The following MYLK variants were observed in gnomAD, a reference collection of about 807,000 sequenced individuals.
MYLK encodes myosin light chain kinase.
A neutral mutation model predicts 203.4 loss-of-function variants in MYLK; 106 were observed. That is an observed-to-expected ratio of 0.52 (90% CI 0.45 to 0.61). The LOEUF is 0.61. Ranked by LOEUF, MYLK falls within the 20% of genes least tolerant of loss-of-function variation. The pLI, the probability that MYLK is intolerant of heterozygous loss-of-function variation, is 0.00. For missense variants in MYLK, 2,072 were observed against 2,442.3 expected, an observed-to-expected ratio of 0.85 and a Z score of 3.20; for synonymous variants, 867 against 959.5, an observed-to-expected ratio of 0.90 and a Z score of 1.78.
intron 11 of MYLK, among the ~76,000 whole-genome samples, chr3:123,726,605 C>T (rs1238368890): frequency 6.6e-6 from 1 of 152,090 alleles, no homozygotes; most frequent in Non-Finnish European, 1.5e-5. Context: ...TCATAGGACT[C>T]ACATGTGCTC....
chr3:123,804,613 G>A (rs2065306592), intron 3 of MYLK, among the ~76,000 whole-genome samples: 1 of 152,176 alleles, frequency 6.6e-6, no homozygotes, highest in African/African-American at 2.4e-5. Flanking sequence ...TCTGCTTTCT[G>A]CAGGGAGCTG....
chr3:123,842,047 C>A (rs536959044), intron 2 of MYLK, among the ~76,000 whole-genome samples: 1 of 152,030 alleles, frequency 6.6e-6, no homozygotes, highest in South Asian at 2.1e-4. Context: ...ATAAATGGAC[C>A]AAATTCACCC....
chr3:123,627,915 G>T (rs1010729302), intron 30 of MYLK, among the ~76,000 whole-genome samples: 2 of 152,122 alleles, frequency 1.3e-5, no homozygotes, highest in African/African-American at 4.8e-5. Context: ...CTTAATTCAA[G>T]GTCAGATGAG....
At chr3:123,837,317 C>T (rs530367710) in intron 2 of MYLK, among the ~76,000 whole-genome samples, 1 of 152,192 alleles carries the variant, frequency 6.6e-6, no homozygotes, top group Admixed American at 6.5e-5. Flanking sequence ...AGGTATGAGC[C>T]ACTGTGCCCA....
At chr3:123,636,221 A>G (rs779609325) in intron 29 of MYLK, among the ~76,000 whole-genome samples, 2 of 152,232 alleles carry the variant, frequency 1.3e-5, no homozygotes, top group Non-Finnish European at 2.9e-5. Context: ...TAGCACCAAA[A>G]GTCCTGTATC....
At chr3:123,701,271 C>T (rs2061209239) in intron 17 of MYLK, among the ~76,000 whole-genome samples, 167 bp downstream of exon 17, 1 of 148,962 alleles carries the variant, frequency 6.7e-6, no homozygotes, top group African/African-American at 2.4e-5. Flanking sequence ...CCCCCTCCTT[C>T]CCCTGCTCTC....
chr3:123,860,570 A>G (rs2031803332), intron 2 of MYLK, among the ~76,000 whole-genome samples: 1 of 152,180 alleles, frequency 6.6e-6, no homozygotes. Flanking sequence ...TAGGATGGAA[A>G]AGAATTCCAG....
intron 19 of MYLK, among the ~76,000 whole-genome samples, chr3:123,688,945 A>T (rs1255633994): frequency 6.6e-6 from 1 of 152,148 alleles, no homozygotes; most frequent in Non-Finnish European, 1.5e-5. Flanking sequence ...CACCTGCATT[A>T]CTGCCTCTTT....
intron 3 of MYLK, among the ~76,000 whole-genome samples, chr3:123,801,243 C>T (rs2065184919): frequency 6.6e-6 from 1 of 152,154 alleles, no homozygotes; most frequent in Non-Finnish European, 1.5e-5. Context: ...TAACTTGGAC[C>T]TCAAGGGACC....
intron 2 of MYLK, among the ~76,000 whole-genome samples, chr3:123,850,795 T>A (rs2030693558): frequency 6.6e-6 from 1 of 152,170 alleles, no homozygotes; most frequent in Admixed American, 6.5e-5. Context: ...CTGCTTTTGG[T>A]GTTTTAGACA....
Position 123,623,733 on chromosome 3 carries a change from T to A in MYLK, c.5238+3085A>T, listed in dbSNP as rs1412251552. 4 of 152,238 alleles carry A rather than the reference T, an allele frequency of 2.6e-5. No individual in the cohort carries two copies. The East Asian group carries it at 7.7e-4, about 29-fold the overall frequency. The allele number at this position is 152,238 out of a possible 1,614,324, so 9.4% of individuals were successfully genotyped here. A position where few individuals can be genotyped will look rare whatever the true frequency, so the allele number is the denominator to read the frequency against. Reference sequence around the variant, plus strand: ...GCTGCTGCAAGAGGGAACCCTCATATTCCAAGGGGAGCTAAGGCCCTGGTG... The same window carrying A: ...GCTGCTGCAAGAGGGAACCCTCATAATCCAAGGGGAGCTAAGGCCCTGGTG... On this transcript the variant is annotated intron_variant, in intron 31 of 33. Transcript: ENST00000360304.
Position 123,708,839 on chromosome 3 carries a change from C to T in MYLK, c.1999G>A (p.Glu667Lys), listed in dbSNP as rs755018151. The T allele has an allele frequency of 1.2e-6, 2 of 1,614,158 alleles. No individual in the cohort carries two copies. The highest frequency in any genetic ancestry group is 1.1e-5 in the South Asian group (1 of 91,076). ...LHNGNEIQES[E>K]DFHFEQRGTQ... ...CCTCTCTGTTCAAAGTGGAAGTCCT[C>T]TGACTCTTGGATCTCATTCCCATTG... The change falls in exon 15 of 34, where the codon GAG becomes AAG. Residue 667 changes from glutamate to lysine, a missense_variant. Transcript: ENST00000360304.
intron 20 of MYLK, among the ~76,000 whole-genome samples, chr3:123,675,357 G>A (rs1034086266): frequency 2.0e-5 from 3 of 152,214 alleles, no homozygotes; most frequent in African/African-American, 4.8e-5. Context: ...GCTGACCCAA[G>A]CCCTAACCTA....
chr3:123,849,807 A>G (rs1392318276), intron 2 of MYLK, among the ~76,000 whole-genome samples: 2 of 151,956 alleles, frequency 1.3e-5, no homozygotes, highest in Admixed American at 6.6e-5. Context: ...GGTTCGTTAC[A>G]TATGTATACA....
intron 3 of MYLK, among the ~76,000 whole-genome samples, chr3:123,805,015 T>C (rs143890147): frequency 6.6e-4 from 100 of 152,202 alleles, no homozygotes; most frequent in African/African-American, 2.3e-3. Context: ...CAGACTCTTA[T>C]CAAGTGAAGA....
At chr3:123,852,653 A>G (rs960949330) in intron 2 of MYLK, among the ~76,000 whole-genome samples, 1 of 151,886 alleles carries the variant, frequency 6.6e-6, no homozygotes, top group African/African-American at 2.4e-5. Context: ...GCGGTCTATC[A>G]ATTTTGCTGA....
intron 2 of MYLK, among the ~76,000 whole-genome samples, chr3:123,840,027 A>G (rs1049964142): frequency 8.5e-5 from 13 of 152,166 alleles, no homozygotes; most frequent in African/African-American, 2.9e-4. Context: ...CAATATGTCA[A>G]ATTTGGGGGG....
chr3:123,664,679 A>C (rs954910909), intron 22 of MYLK, among the ~76,000 whole-genome samples: 2 of 152,236 alleles, frequency 1.3e-5, no homozygotes, highest in Non-Finnish European at 2.9e-5. Flanking sequence ...GTGGCTATTT[A>C]AATTTTAATT....
intron 2 of MYLK, among the ~76,000 whole-genome samples, chr3:123,868,875 A>G (rs2032536987): frequency 6.6e-6 from 1 of 152,186 alleles, no homozygotes; most frequent in South Asian, 2.1e-4. Context: ...AATAGCTGAA[A>G]TTTTGTCTTT....
Sources: allele counts gnomAD v4.1 joint callset (sites outside exome capture counted in the v4.1 genomes callset), GRCh38; gene constraint gnomAD v4.1.1; transcripts MANE v1.5; gene names NCBI Gene and HGNC (gene_info 2026-07-23, HGNC 2026-07-21).